The following TUSC3 variants were observed in gnomAD, a reference collection of about 807,000 sequenced individuals.
TUSC3 encodes the protein dolichyl-diphosphooligosaccharide--protein glycosyltransferase subunit TUSC3.
TUSC3 carries 45 observed loss-of-function variants against 44.8 expected under a neutral mutation model. The observed-to-expected ratio is 1.00, with a 90% CI of 0.79 to 1.29. The LOEUF (loss-of-function observed/expected upper bound fraction) is 1.29, where lower values mean the gene tolerates loss of function less well. Ranked by LOEUF, TUSC3 falls within the 50% of genes most tolerant of loss-of-function variation. The probability of loss-of-function intolerance (pLI) is 0.00; values close to 1 mark genes in which losing one functional copy is unlikely to be tolerated. For missense variants in TUSC3, 519 were observed against 437.9 expected (o/e 1.19, Z -1.65); for synonymous variants, 212 against 152.9 (o/e 1.39, Z -2.85).
At chr8:15,605,074 G>A (rs1030066491) in intron 1 of TUSC3, among the ~76,000 whole-genome samples, 13 of 151,796 alleles carry the variant, frequency 8.6e-5, no homozygotes, top group African/African-American at 3.1e-4. Flanking sequence ...GATGAATGTA[G>A]TAGTGACTGT....
intron 1 of TUSC3, among the ~76,000 whole-genome samples, chr8:15,543,578 T>C (rs1244723327): frequency 1.3e-5 from 2 of 152,042 alleles, no homozygotes; most frequent in African/African-American, 4.8e-5. Context: ...ACATGTAAAA[T>C]ATATAACTAT....
At chr8:15,624,235 G>A (rs1051471859) in intron 2 of TUSC3, among the ~76,000 whole-genome samples, 3 of 152,070 alleles carry the variant, frequency 2.0e-5, no homozygotes, top group East Asian at 1.9e-4. Context: ...TAAAGGAATC[G>A]GGGTCGTTTC....
chr8:15,851,592 G>A, the TUSC3 span, among the ~76,000 whole-genome samples: 3 of 152,170 alleles, frequency 2.0e-5, no homozygotes, highest in Non-Finnish European at 2.9e-5. Flanking sequence ...GCGTCATGGC[G>A]AGGGACTGAA....
the TUSC3 span, among the ~76,000 whole-genome samples, chr8:15,809,073 G>T: frequency 6.6e-6 from 1 of 152,146 alleles, no homozygotes; most frequent in African/African-American, 2.4e-5. Flanking sequence ...CAGAAAGCCA[G>T]CAAACCCAGA....
At chr8:15,845,282 C>A in the TUSC3 span, among the ~76,000 whole-genome samples, 2 of 152,076 alleles carry the variant, frequency 1.3e-5, no homozygotes, top group Admixed American at 6.6e-5. Flanking sequence ...GCGCAAGGCA[C>A]GTGAATTCTG....
rs1028131559 is a variant in TUSC3, at chr8:15,765,045, T to A, written c.*889T>A. 6.6e-6 allele frequency: 1 copy of A among 152,062 alleles called. No homozygotes were observed. The highest frequency in any genetic ancestry group is 1.5e-5 in the Non-Finnish European group (1 of 67,932). The allele number at this position is 152,062 out of a possible 1,614,324, so 9.4% of individuals were successfully genotyped here. The stretch of plus-strand genomic sequence containing the variant: ...GGTAAAAGGTTAATTATCCTAGGAT[T>A]AGTGAATGATTCAATGAAGCTTTCT... On this transcript the variant is annotated 3_prime_UTR_variant, in exon 11 of 11. Coordinates refer to ENST00000503731, the MANE Select transcript of TUSC3 (RefSeq NM_006765.4).
At chr8:15,515,134 G>T (rs558895637) in intron 2 of TUSC3, among the ~76,000 whole-genome samples, 1 of 152,108 alleles carries the variant, frequency 6.6e-6, no homozygotes, top group Non-Finnish European at 1.5e-5. Flanking sequence ...TTTGAAATCA[G>T]AAAATGGGAG....
intron 1 of TUSC3, among the ~76,000 whole-genome samples, chr8:15,600,419 A>G (rs926116316): frequency 7.9e-5 from 12 of 151,906 alleles, no homozygotes; most frequent in Admixed American, 2.0e-4. Context: ...ACATAATCCT[A>G]ACCCACTTAA....
chr8:15,614,382 C>G (rs964982249), intron 1 of TUSC3, among the ~76,000 whole-genome samples: 9 of 152,122 alleles, frequency 5.9e-5, no homozygotes, highest in Non-Finnish European at 1.0e-4. Context: ...GTACAACCAT[C>G]ACTAGAAATC....
At chr8:15,749,294 A>T (rs1811587178) in intron 9 of TUSC3, among the ~76,000 whole-genome samples, 1 of 152,112 alleles carries the variant, frequency 6.6e-6, no homozygotes, top group Admixed American at 6.6e-5. Context: ...CATTTCTTCC[A>T]CCTGTGAGCA....
At chr8:15,694,290 A>C (rs1585238676) in intron 6 of TUSC3, among the ~76,000 whole-genome samples, 1 of 152,150 alleles carries the variant, frequency 6.6e-6, no homozygotes, top group Non-Finnish European at 1.5e-5. Flanking sequence ...TGAAAATACA[A>C]AATTAGCCAA....
chr8:15,502,637 C>A (rs751526093), intron 2 of TUSC3, among the ~76,000 whole-genome samples: 3 of 152,152 alleles, frequency 2.0e-5, no homozygotes, highest in Non-Finnish European at 4.4e-5. Flanking sequence ...ACTACAGGAA[C>A]CCACCACCAC....
chr8:15,526,480 G>A (rs1801374572), intron 2 of TUSC3, among the ~76,000 whole-genome samples: 1 of 152,154 alleles, frequency 6.6e-6, no homozygotes, highest in Admixed American at 6.5e-5. Flanking sequence ...TTGTGGGAGG[G>A]ACCCAGTGGG....
At chr8:15,499,123 C>A (rs576028165) in intron 2 of TUSC3, among the ~76,000 whole-genome samples, 1 of 152,208 alleles carries the variant, frequency 6.6e-6, no homozygotes, top group African/African-American at 2.4e-5. Context: ...TACTATCATC[C>A]TGATGCTTTA....
At chr8:15,607,241 GTT>G in intron 1 of TUSC3, among the ~76,000 whole-genome samples, 1 of 152,126 alleles carries the variant, frequency 6.6e-6, no homozygotes, top group South Asian at 2.1e-4. Flanking sequence ...TACTTAATTA[GTT>G]ACACAAATAT....
chr8:15,476,080 C>T (rs76528348), intron 1 of TUSC3, among the ~76,000 whole-genome samples: 7 of 152,066 alleles, frequency 4.6e-5, no homozygotes, highest in South Asian at 4.2e-4. Flanking sequence ...TTCTGAATAA[C>T]GTGAACTTTT....
intron 5 of TUSC3, among the ~76,000 whole-genome samples, chr8:15,663,419 C>T (rs1391467655): frequency 6.6e-6 from 1 of 151,684 alleles, no homozygotes; most frequent in Non-Finnish European, 1.5e-5. Flanking sequence ...TTGCAGTAGC[C>T]CTTCATCCTT....
the TUSC3 span, among the ~76,000 whole-genome samples, chr8:15,849,031 A>C: frequency 6.6e-6 from 1 of 152,324 alleles, no homozygotes; most frequent in South Asian, 2.1e-4. Context: ...ACTTTTAATA[A>C]AGTAAGAGCT....
At chr8:15,744,928 T>G (rs949090136) in intron 8 of TUSC3, among the ~76,000 whole-genome samples, 11 of 151,906 alleles carry the variant, frequency 7.2e-5, no homozygotes, top group African/African-American at 2.7e-4. Flanking sequence ...AAACAGGTGA[T>G]TTTTCAACCT....
Sources: gnomAD v4.1 joint callset for allele counts (sites outside exome capture counted in the v4.1 genomes callset) on GRCh38, gnomAD v4.1.1 for gene constraint, MANE v1.5 for transcripts, NCBI Gene and HGNC (gene_info 2026-07-23, HGNC 2026-07-21) for gene names.